TTC7A: variants seen among roughly 807,000 people sequenced by gnomAD.
TTC7A encodes the protein tetratricopeptide repeat domain 7A.
A neutral mutation model predicts 103.7 loss-of-function variants in TTC7A; 110 were observed. That is an observed-to-expected ratio of 1.06 (90% CI 0.91 to 1.24). The LOEUF (loss-of-function observed/expected upper bound fraction) is 1.24. TTC7A is among the 50% of genes most tolerant of loss of function. The pLI is 0.00. For missense variants in TTC7A, 1,340 were observed against 1,116.3 expected, an observed-to-expected ratio of 1.20 and a Z score of -2.86; for synonymous variants, 521 against 467.9, an observed-to-expected ratio of 1.11 and a Z score of -1.47.
rs1670335481 is a variant in TTC7A, at chr2:46,941,267, C to G, written c.-275C>G. On this transcript the variant is annotated 5_prime_UTR_variant, in exon 1 of 20. Transcript: ENST00000319190. This position sits in a 1 kb window ranked among gnomAD's most constrained non-coding sequence, Gnocchi z 4.2. ...GCGGCGGCGGCGGCAGCGCCAGGAG[C>G]TGCTACAGCAGAGGCGGAGGTTGCT... 6.2e-6 allele frequency: 1 copy of G among 160,064 alleles called. No individual in the cohort carries two copies. The highest frequency in any genetic ancestry group is 1.3e-5 in the Non-Finnish European group (1 of 74,300). 9.9% of individuals were successfully genotyped at this position (160,064 alleles called of 1,614,324 possible).
intron 11 of TTC7A, among the ~76,000 whole-genome samples, chr2:47,015,444 G>A (rs1678536777): frequency 6.6e-6 from 1 of 152,202 alleles, no homozygotes; most frequent in Admixed American, 6.5e-5. Flanking sequence ...AGGGCAGCAG[G>A]GGGTAGTGGA....
At position 47,023,305 on chromosome 2, in the gene TTC7A, G is replaced by A. The variant is rs1479734992; in HGVS notation, c.1511-103G>A. 5 of 1,243,232 alleles carry A rather than the reference G, an allele frequency of 4.0e-6. No homozygotes were observed. The East Asian group carries it at 7.3e-5, about 18-fold the overall frequency. 77.0% of individuals were successfully genotyped at this position (1,243,232 alleles called of 1,614,324 possible). A position where few individuals can be genotyped will look rare whatever the true frequency, so the allele number is the denominator to read the frequency against. ...GAAGTTTGCCAGATGGGACCCTGGT[G>A]GGGCCTTTATCTGCAGAGCTGTGTG... On this transcript the variant is annotated intron_variant, in intron 12 of 19. Transcript: ENST00000319190.
At chr2:47,011,693 A>C (rs893129081) in intron 11 of TTC7A, among the ~76,000 whole-genome samples, 6 of 152,182 alleles carry the variant, frequency 3.9e-5, no homozygotes, top group African/African-American at 1.4e-4. Flanking sequence ...AAACATAAGG[A>C]AGTAGAGGTG....
chr2:46,988,546 A>G (rs528983228), intron 5 of TTC7A, among the ~76,000 whole-genome samples: 27 of 152,328 alleles, frequency 1.8e-4, no homozygotes, highest in African/African-American at 6.3e-4. Flanking sequence ...CCATTCAGCC[A>G]TCAGTTCCAT....
In TTC7A at chr2:47,050,624, T is replaced by C. The variant is rs1231692153; in HGVS notation, c.2017+578T>C. 3 of 153,346 alleles carry C rather than the reference T, an allele frequency of 2.0e-5. No individual in the cohort carries two copies. The South Asian group carries it at 6.1e-4, about 31-fold the overall frequency. The allele number at this position is 153,346 out of a possible 1,614,324, so 9.5% of individuals were successfully genotyped here. ...TTGTATTTAGTGGAATTGCTCAGTTTTTTCACTTCTGTAGACATGAGCCTT... is the reference window on the plus strand; with the variant it reads ...TTGTATTTAGTGGAATTGCTCAGTTCTTTCACTTCTGTAGACATGAGCCTT... On this transcript the variant is annotated intron_variant, in intron 17 of 19. Transcript: ENST00000319190.
intron 16 of TTC7A, among the ~76,000 whole-genome samples, chr2:47,047,834 A>G (rs1287661175): frequency 6.6e-6 from 1 of 152,196 alleles, no homozygotes; most frequent in Non-Finnish European, 1.5e-5. Context: ...GGCTGCCCCA[A>G]ACTAGATTTT....
intron 15 of TTC7A, among the ~76,000 whole-genome samples, chr2:47,033,227 G>A (rs530761465): frequency 1.2e-4 from 18 of 152,288 alleles, no homozygotes; most frequent in South Asian, 4.1e-4. Flanking sequence ...CAACCGGTCC[G>A]GTAAATATCA....
At chr2:47,003,303 G>C (rs1421564090) in intron 8 of TTC7A, among the ~76,000 whole-genome samples, 1 of 152,142 alleles carries the variant, frequency 6.6e-6, no homozygotes, top group African/African-American at 2.4e-5. Flanking sequence ...GCTGGGTTGG[G>C]GGAGGACAGG....
intron 14 of TTC7A, among the ~76,000 whole-genome samples, chr2:47,024,879 C>A (rs1234548807): frequency 6.6e-6 from 1 of 152,232 alleles, no homozygotes; most frequent in Non-Finnish European, 1.5e-5. Flanking sequence ...TGCAGGCAGA[C>A]CCGCCTTTTC....
chr2:46,998,798 G>C (rs1558557406), intron 8 of TTC7A, among the ~76,000 whole-genome samples: 1 of 152,120 alleles, frequency 6.6e-6, no homozygotes, highest in Non-Finnish European at 1.5e-5. Flanking sequence ...TGTGGTGTGG[G>C]GCTGCTACCT....
chr2:47,068,874 AAAAAAAAAAAAAAG>A (rs1038081641), intron 19 of TTC7A, among the ~76,000 whole-genome samples: 32 of 87,552 alleles, frequency 3.7e-4, no homozygotes, highest in African/African-American at 1.7e-3. Context: ...AAAAAAAAAA[AAAAAAAAAAAAAAG>A]AAAGACTCAC....
At chr2:47,063,526 A>C (rs1438375043) in intron 19 of TTC7A, among the ~76,000 whole-genome samples, 4 of 152,230 alleles carry the variant, frequency 2.6e-5, no homozygotes, top group African/African-American at 4.8e-5. Flanking sequence ...ATTCATTGTA[A>C]AAATAGTAGA....
At position 46,973,866 on chromosome 2, in the gene TTC7A, T is replaced by C. The variant is rs140890536; in HGVS notation, c.518-1107T>C. On this transcript the variant is annotated intron_variant, in intron 3 of 19. Coordinates refer to ENST00000319190, the MANE Select transcript of TTC7A (RefSeq NM_020458.4). ...TCACTTTCTTTATACCAGTGAAGCA[T>C]TGGAGGCAGCAGATGTCGTGCCAGG... is the stretch of plus-strand genomic sequence containing the variant. Among the ~76,000 whole-genome samples, 1,197 of 152,228 alleles carry C rather than the reference T, an allele frequency of 7.9e-3. 14 individuals are homozygous for C. The highest frequency in any genetic ancestry group is 0.027 in the African/African-American group (1,134 of 41,544).
At chr2:47,023,145 G>A (rs978889791) in intron 12 of TTC7A, among the ~76,000 whole-genome samples, 4 of 152,252 alleles carry the variant, frequency 2.6e-5, no homozygotes, top group African/African-American at 7.2e-5. Context: ...TGCCCATGTC[G>A]TGGAATGCTT....
At chr2:46,996,800 A>G (rs2104400981) in intron 8 of TTC7A, among the ~76,000 whole-genome samples, 1 of 152,328 alleles carries the variant, frequency 6.6e-6, no homozygotes, top group Admixed American at 6.5e-5. Context: ...TTTACTTTTT[A>G]AAATGGGCCC....
rs773674724 is a variant in TTC7A, at chr2:47,021,938, A to G, written c.1469A>G (p.Tyr490Cys). The G allele has an allele frequency of 8.7e-6, 14 of 1,613,954 alleles. No individual in the cohort carries two copies. Among genetic ancestry groups the G allele is most frequent in the East Asian group, 2.2e-5 (1 of 44,886 alleles). The change falls in exon 12 of 20, where the codon TAC becomes TGC. Residue 490 changes from tyrosine to cysteine, a missense_variant. By Grantham distance (194) the Tyr-to-Cys change is radical. Transcript: ENST00000319190. ...EEAGEFLPKGYLALGLTYSLQ... is the reference protein window; with the variant it reads ...EEAGEFLPKGCLALGLTYSLQ... ...GCCGGGGAGTTCCTCCCCAAGGGCT[A>G]CCTGGCTCTGGGTCTCACCTATAGC... is the stretch of plus-strand genomic sequence containing the variant.
At chr2:46,959,702 C>T (rs1672206960) in intron 3 of TTC7A, among the ~76,000 whole-genome samples, 1 of 152,196 alleles carries the variant, frequency 6.6e-6, no homozygotes, top group African/African-American at 2.4e-5. Context: ...CTCACAAAGG[C>T]CCTGCCTTCC....
chr2:47,055,326 G>C (rs1275553294), intron 18 of TTC7A, among the ~76,000 whole-genome samples: 1 of 152,190 alleles, frequency 6.6e-6, no homozygotes, highest in Non-Finnish European at 1.5e-5. Flanking sequence ...AATTCAAAGA[G>C]ACTGTCGTAG....
At chr2:46,980,328 T>A (rs1558533741) in intron 5 of TTC7A, among the ~76,000 whole-genome samples, 1 of 149,960 alleles carries the variant, frequency 6.7e-6, no homozygotes, top group African/African-American at 2.4e-5. Flanking sequence ...CAGGTGATCC[T>A]CCCACCTCAG....
Sources: allele counts gnomAD v4.1 joint callset (sites outside exome capture counted in the v4.1 genomes callset), GRCh38; gene constraint gnomAD v4.1.1; non-coding constraint Gnocchi (gnomAD v3.1); transcripts MANE v1.5; gene names NCBI Gene and HGNC (gene_info 2026-07-23, HGNC 2026-07-21).